ZBTB11: variants seen among roughly 807,000 people sequenced by gnomAD.
ZBTB11 encodes zinc finger and BTB domain-containing protein 11.
ZBTB11 carries 68 observed loss-of-function variants against 113.1 expected under a neutral mutation model. That is an observed-to-expected ratio of 0.60 (90% CI 0.49 to 0.74). The LOEUF (loss-of-function observed/expected upper bound fraction) is 0.74, where lower values mean the gene tolerates loss of function less well. ZBTB11 is among the 30% of genes least tolerant of loss of function. The probability of loss-of-function intolerance (pLI) is 0.00; values close to 1 mark genes in which losing one functional copy is unlikely to be tolerated. For missense variants in ZBTB11, 1,104 were observed against 1,279.4 expected (o/e 0.86, Z 2.09); for synonymous variants, 518 against 452.6 (o/e 1.14, Z -1.83).
chr3:101,673,241 T>C (rs1435228359), intron 1 of ZBTB11, among the ~76,000 whole-genome samples: 6 of 152,162 alleles, frequency 3.9e-5, no homozygotes, highest in Non-Finnish European at 5.9e-5. Flanking sequence ...TTAATTCCCA[T>C]TCTATACAAG....
intron 5 of ZBTB11, among the ~76,000 whole-genome samples, chr3:101,663,724 A>T (rs1936931820): frequency 6.6e-6 from 1 of 151,988 alleles, no homozygotes; most frequent in Non-Finnish European, 1.5e-5. Flanking sequence ...AACCCTGCAT[A>T]TAAAAATACA....
chr3:101,664,880 T>C, intron 4 of ZBTB11, 84 bp downstream of exon 4: 2 of 1,525,572 alleles, frequency 1.3e-6, no homozygotes, highest in Non-Finnish European at 1.8e-6. Flanking sequence ...TCCCAAATAA[T>C]TTTCATTATA....
Position 101,651,530 on chromosome 3 carries a change from A to T in ZBTB11, c.2798T>A (p.Met933Lys). 1 of 1,614,184 alleles carries T rather than the reference A, an allele frequency of 6.2e-7. No homozygotes were observed. Among genetic ancestry groups the T allele is most frequent in the South Asian group, 1.1e-5 (1 of 91,086 alleles). The change falls in exon 11 of 11, where the codon ATG becomes AAG. Residue 933 changes from methionine to lysine, a missense_variant. Physicochemically the swap from Met to Lys is moderately conservative, Grantham distance 95 (BLOSUM62 -1). Coordinates refer to ENST00000312938, the MANE Select transcript of ZBTB11 (RefSeq NM_014415.4). ...CACATAGTCTCTGTGGAATTTAGTC[A>T]TATGTTTACGGAGTGTTCGAGCATC... Reference protein sequence around the residue: ...YIDARTLRKHMTKFHRDYVPC... With the variant: ...YIDARTLRKHKTKFHRDYVPC...
chr3:101,675,270 T>G (rs1937144787), intron 1 of ZBTB11, among the ~76,000 whole-genome samples: 1 of 152,254 alleles, frequency 6.6e-6, no homozygotes, highest in Non-Finnish European at 1.5e-5. Context: ...ATGCACTGAT[T>G]ACTTCATTAC....
chr3:101,665,752 T>A lies in ZBTB11; in HGVS notation c.835A>T (p.Ser279Cys). 1 of 1,613,756 alleles carries A rather than the reference T, an allele frequency of 6.2e-7. No individual in the cohort carries two copies. The highest frequency in any genetic ancestry group is 8.5e-7 in the Non-Finnish European group (1 of 1,179,886). Residue 279 changes from serine to cysteine, a missense_variant, in exon 4 of 11, where the codon AGT becomes TGT. Transcript: ENST00000312938. ...TCAGCCATGCTACAGAAATCAAAACTTAGTACAGAAGTATAGGCAAATTCC... is the reference window on the plus strand; with the variant it reads ...TCAGCCATGCTACAGAAATCAAAACATAGTACAGAAGTATAGGCAAATTCC... The part of the protein sequence containing the change: ...LLEFAYTSVL[S>C]FDFCSMADVA...
chr3:101,668,681 G>A (rs1003993715), intron 3 of ZBTB11, among the ~76,000 whole-genome samples: 7 of 151,078 alleles, frequency 4.6e-5, no homozygotes, highest in African/African-American at 1.7e-4. Context: ...AAAGGTGAAT[G>A]TTTGAGGTGA....
chr3:101,653,418 GT>G (rs1050124025), intron 8 of ZBTB11, among the ~76,000 whole-genome samples: 2 of 152,148 alleles, frequency 1.3e-5, no homozygotes, highest in Non-Finnish European at 1.5e-5. Flanking sequence ...CAGAAAAGAA[GT>G]TTGACAATTT....
chr3:101,672,350 A>T, intron 1 of ZBTB11, 137 bp from the exon 2 acceptor site: 1 of 596,692 alleles, frequency 1.7e-6, no homozygotes, highest in Non-Finnish European at 2.8e-6. Context: ...AGAGTTTATT[A>T]GAATGTAAAA....
chr3:101,659,646 G>A, intron 6 of ZBTB11, 137 bp downstream of exon 6: 1 of 1,023,946 alleles, frequency 9.8e-7, no homozygotes, highest in Non-Finnish European at 1.4e-6. Context: ...TTTGATCTAG[G>A]CAATAAAGAA....
chr3:101,668,151 A>AC (rs1381289380), intron 3 of ZBTB11, among the ~76,000 whole-genome samples: 1 of 151,884 alleles, frequency 6.6e-6, no homozygotes, highest in Non-Finnish European at 1.5e-5. Flanking sequence ...TAAAAAAAAA[A>AC]AACTTAGATC....
Position 101,656,247 on chromosome 3 carries a change from A to C in ZBTB11, c.2048T>G (p.Val683Gly). Residue 683 changes from valine to glycine, a missense_variant and splice_region_variant, in exon 7 of 11, where the codon GTC becomes GGC. Transcript: ENST00000312938. ...CTTATAGATAAAAGTCTTTCCACAG[A>C]CCTAAGATAGAACAGGGGTGATTAA... ...HTGVKPHACQVCGKTFIYKHG... is the reference protein window; with the variant it reads ...HTGVKPHACQGCGKTFIYKHG... The C allele has an allele frequency of 6.5e-7, 1 of 1,549,432 alleles. No homozygotes were observed. The highest frequency in any genetic ancestry group is 8.7e-7 in the Non-Finnish European group (1 of 1,149,446).
chr3:101,652,723 A>G (rs1218364863), intron 9 of ZBTB11, 52 bp from the exon 10 acceptor site: 1 of 1,610,742 alleles, frequency 6.2e-7, no homozygotes, highest in Non-Finnish European at 8.5e-7. Context: ...TAGCAGCCAT[A>G]ACAATCAGAG....
At position 101,676,787 on chromosome 3, in the gene ZBTB11, C is replaced by A. The variant is rs963773841; in HGVS notation, c.128G>T (p.Arg43Leu). ...IRKAAACYVVRGGTLYYQRRQ... is the reference protein window; with the variant it reads ...IRKAAACYVVLGGTLYYQRRQ... Reference sequence around the variant, plus strand: ...CCGCTGGTAATACAGAGTCCCGCCGCGCACCACGTAGCAGGCGGCAGCTTT... The same window carrying A: ...CCGCTGGTAATACAGAGTCCCGCCGAGCACCACGTAGCAGGCGGCAGCTTT... The change falls in exon 1 of 11, where the codon CGC (arginine) becomes CTC (leucine). Residue 43 changes from arginine (R) to leucine (L), a missense_variant. Physicochemically the swap from Arg to Leu is moderately radical, Grantham distance 102. Coordinates refer to ENST00000312938, the MANE Select transcript of ZBTB11 (RefSeq NM_014415.4). 1 of 1,611,524 alleles carries A rather than the reference C, an allele frequency of 6.2e-7. No individual in the cohort carries two copies. Among genetic ancestry groups the A allele is most frequent in the African/African-American group, 1.3e-5 (1 of 74,880 alleles).
In ZBTB11 at chr3:101,659,872, A is replaced by C. The variant is rs1936857907; in HGVS notation, c.1957T>G (p.Cys653Gly). 6.2e-7 allele frequency: 1 copy of C among 1,614,234 alleles called. No individual in the cohort carries two copies. The highest frequency in any genetic ancestry group is 8.5e-7 in the Non-Finnish European group (1 of 1,180,030). ...EKGRTKREFI[C>G]SICGRTLPKL... ...GGTAATGTTCTTCCACATATGGAAC[A>C]TATAAATTCCCGCTTGGTTCTGCCC... Residue 653 changes from cysteine (C) to glycine (G), a missense_variant, in exon 6 of 11, where the codon TGT (cysteine) becomes GGT (glycine). By Grantham distance (159) the Cys-to-Gly change is radical. Coordinates refer to ENST00000312938, the MANE Select transcript of ZBTB11 (RefSeq NM_014415.4).
At chr3:101,655,411 C>T (rs1936778841) in intron 7 of ZBTB11, among the ~76,000 whole-genome samples, 1 of 152,176 alleles carries the variant, frequency 6.6e-6, no homozygotes, top group South Asian at 2.1e-4. Flanking sequence ...GGTATCTACC[C>T]TTCATTGGCT....
chr3:101,676,698 C>T lies in ZBTB11; in HGVS notation c.217G>A (p.Asp73Asn), dbSNP rs746380859. The stretch of plus-strand genomic sequence containing the variant: ...CCCAGGTGCGCCGCCTCGATGAGGT[C>T]CCGGCGTCGCTCCGGCTGCAGCACC... ...EVVLQPERRR[D>N]LIEAAHLGPG... Residue 73 changes from aspartate to asparagine, a missense_variant, in exon 1 of 11, where the codon GAC becomes AAC. This residue lies in a region of ZBTB11 where 245 missense variants were observed against 272.5 expected (regional missense o/e 0.90). Coordinates refer to ENST00000312938, the MANE Select transcript of ZBTB11 (RefSeq NM_014415.4). The T allele has an allele frequency of 2.3e-5, 37 of 1,597,820 alleles. No individual in the cohort carries two copies. The highest frequency in any genetic ancestry group is 1.7e-4 in the Middle Eastern group (1 of 6,046).
At chr3:101,669,323 G>A (rs1042365338) in intron 3 of ZBTB11, among the ~76,000 whole-genome samples, 3 of 152,170 alleles carry the variant, frequency 2.0e-5, no homozygotes, top group African/African-American at 7.2e-5. Flanking sequence ...ACTGTGCCCA[G>A]CCTTATCTAC....
At position 101,664,641 on chromosome 3, in the gene ZBTB11, T is replaced by C; in HGVS notation, c.1697A>G (p.Glu566Gly). The C allele has an allele frequency of 1.9e-6, 3 of 1,613,878 alleles. No individual in the cohort carries two copies. Among genetic ancestry groups the C allele is most frequent in the Non-Finnish European group, 2.5e-6 (3 of 1,179,934 alleles). The part of the protein sequence containing the change: ...PKRDAKENTE[E>G]ASHKCGECGM... Reference sequence around the variant, plus strand: ...ACATTCCCCACATTTATGAGATGCTTCTTCTGTGTTCTCTTTAGCATCTCT... The same window carrying C: ...ACATTCCCCACATTTATGAGATGCTCCTTCTGTGTTCTCTTTAGCATCTCT... Residue 566 changes from glutamate (E) to glycine (G), a missense_variant, in exon 5 of 11, where the codon GAA (glutamate) becomes GGA (glycine). By Grantham distance (98) the Glu-to-Gly change is moderately conservative. Around this residue, in one of 5 missense-constraint regions of ZBTB11, gnomAD observed 535 missense variants for 518.6 expected, o/e 1.03. Coordinates refer to ENST00000312938, the MANE Select transcript of ZBTB11 (RefSeq NM_014415.4).
intron 2 of ZBTB11, 49 bp from the exon 3 acceptor site, chr3:101,671,410 T>C: frequency 4.9e-6 from 7 of 1,416,890 alleles, no homozygotes; most frequent in Non-Finnish European, 7.0e-6. Flanking sequence ...CTGTATTTTT[T>C]ACCCTTAACA....
Sources: allele counts gnomAD v4.1 joint callset (sites outside exome capture counted in the v4.1 genomes callset), GRCh38; gene constraint gnomAD v4.1.1; regional missense constraint gnomAD v4.1.1; transcripts MANE v1.5; gene names NCBI Gene and HGNC (gene_info 2026-07-23, HGNC 2026-07-21).